Variants in PCCA observed in about 807,000 individuals in gnomAD.
PCCA encodes propionyl-CoA carboxylase subunit alpha.
Under a neutral mutation model 101.3 loss-of-function variants are expected in PCCA, and 74 were observed. That is an observed-to-expected ratio of 0.73 (90% CI 0.61 to 0.89). The LOEUF is 0.89. Among genes scored for constraint, PCCA ranks in the 40% least tolerant of loss-of-function variants. The probability of loss-of-function intolerance (pLI) is 0.00; values close to 1 mark genes in which losing one functional copy is unlikely to be tolerated. For synonymous variants in PCCA, 294 were observed against 313.6 expected, an observed-to-expected ratio of 0.94 and a Z score of 0.66; for missense variants, 891 against 907.0, an observed-to-expected ratio of 0.98 and a Z score of 0.23.
At chr13:100,166,158 A>T (rs2055016500) in intron 6 of PCCA, among the ~76,000 whole-genome samples, 1 of 151,942 alleles carries the variant, frequency 6.6e-6, no homozygotes, top group Non-Finnish European at 1.5e-5. Flanking sequence ...TTAGGCAACT[A>T]CTGATCTGTT....
chr13:100,143,202 T>C (rs996383700), intron 4 of PCCA, among the ~76,000 whole-genome samples: 4 of 152,174 alleles, frequency 2.6e-5, no homozygotes, highest in African/African-American at 9.7e-5. Context: ...ATTCAGTGAA[T>C]GGCATAGTCA....
chr13:100,328,386 AATAATAAT>A (rs777774084), intron 16 of PCCA, among the ~76,000 whole-genome samples: 1,642 of 147,562 alleles, frequency 0.011, 28 homozygotes, highest in African/African-American at 0.03. Flanking sequence ...TAATAATAAT[AATAATAAT>A]AATAATAATA....
Position 100,199,499 on chromosome 13 carries a change from T to C in PCCA, c.469-9833T>C, listed in dbSNP as rs1475598269. Among the ~76,000 whole-genome samples, 3 of 152,230 alleles carry C rather than the reference T, an allele frequency of 2.0e-5. No homozygotes were observed. The East Asian group carries it at 5.8e-4, about 29-fold the overall frequency. Reference sequence around the variant, plus strand: ...CCCAGTCTTGACTTAGCTCACTGCATGGCGATGCTATAGCTCAGTGGTTTC... The same window carrying C: ...CCCAGTCTTGACTTAGCTCACTGCACGGCGATGCTATAGCTCAGTGGTTTC... On this transcript the variant is annotated intron_variant, in intron 6 of 23. Coordinates refer to ENST00000376285, the MANE Select transcript of PCCA (RefSeq NM_000282.4).
intron 19 of PCCA, among the ~76,000 whole-genome samples, chr13:100,406,420 A>G (rs1479796760): frequency 6.6e-6 from 1 of 152,170 alleles, no homozygotes; most frequent in Non-Finnish European, 1.5e-5. Flanking sequence ...ACAGTTCAAA[A>G]TTGGCCGGGT....
intron 10 of PCCA, among the ~76,000 whole-genome samples, chr13:100,265,061 C>T (rs887372116): frequency 3.0e-4 from 46 of 152,148 alleles, no homozygotes; most frequent in Non-Finnish European, 4.0e-4. Context: ...CTGGAGTGTC[C>T]GAGTTCTGTA....
chr13:100,155,005 T>C lies in PCCA; in HGVS notation c.327T>C (p.Ala109=), dbSNP rs764005205. The change falls in exon 5 of 24, where the codon GCT becomes GCC. Residue 109 remains alanine, a synonymous_variant. Transcript: ENST00000376285. ...SSVHVKMADE[A]VCVGPAPTSK... ...TTCATGTGAAAATGGCGGATGAGGC[T>C]GTCTGTGTTGGCCCAGCTCCCACCA... 4.3e-6 allele frequency: 7 copies of C among 1,613,914 alleles called. No individual in the cohort carries two copies. In the African/African-American group the frequency reaches 9.3e-5, roughly 22 times the overall value.
At chr13:100,249,167 T>C (rs911033219) in intron 8 of PCCA, among the ~76,000 whole-genome samples, 3 of 152,196 alleles carry the variant, frequency 2.0e-5, no homozygotes, top group Non-Finnish European at 2.9e-5. Flanking sequence ...TAAAAACTCA[T>C]TGCTAAACCA....
At chr13:100,457,638 G>A (rs980123667) in intron 21 of PCCA, among the ~76,000 whole-genome samples, 6 of 152,140 alleles carry the variant, frequency 3.9e-5, no homozygotes, top group African/African-American at 9.7e-5. Flanking sequence ...TGCAGTAATC[G>A]CACCTGCCCT....
chr13:100,144,185 C>A (rs935456247), intron 4 of PCCA, among the ~76,000 whole-genome samples: 2 of 152,182 alleles, frequency 1.3e-5, no homozygotes, highest in African/African-American at 2.4e-5. Context: ...TGGGAGCTAA[C>A]TATACCAGGA....
At chr13:100,099,641 A>AT (rs1172668312) in intron 1 of PCCA, among the ~76,000 whole-genome samples, 5 of 151,390 alleles carry the variant, frequency 3.3e-5, no homozygotes, top group South Asian at 4.2e-4. Context: ...TTAAGAAAGG[A>AT]TTTTTTTCCA....
chr13:100,244,230 G>A (rs1259337689), intron 8 of PCCA, among the ~76,000 whole-genome samples: 4 of 152,184 alleles, frequency 2.6e-5, no homozygotes, highest in Admixed American at 1.3e-4. Flanking sequence ...TAAATAATGA[G>A]ATGTATATTT....
At chr13:100,410,403 C>T (rs2077969364) in intron 19 of PCCA, among the ~76,000 whole-genome samples, 2 of 152,112 alleles carry the variant, frequency 1.3e-5, no homozygotes, top group East Asian at 3.9e-4. Context: ...CCGTGATGCC[C>T]AGCTAATTTT....
intron 1 of PCCA, among the ~76,000 whole-genome samples, chr13:100,098,589 G>A (rs1460783695): frequency 7.2e-5 from 11 of 152,178 alleles, no homozygotes; most frequent in Admixed American, 2.6e-4. Flanking sequence ...GGTGTGAGCC[G>A]TTAGTTGTCA....
chr13:100,520,879 T>G (rs2087233560), intron 22 of PCCA, among the ~76,000 whole-genome samples: 1 of 152,140 alleles, frequency 6.6e-6, no homozygotes. Flanking sequence ...GTGATCTGCT[T>G]GGGAGTAGAA....
intron 12 of PCCA, among the ~76,000 whole-genome samples, chr13:100,294,704 G>A (rs1240688812): frequency 3.9e-5 from 6 of 152,100 alleles, no homozygotes; most frequent in African/African-American, 1.4e-4. Context: ...AGTTTTTAGT[G>A]CTGTTGGACT....
At chr13:100,307,104 C>A in intron 14 of PCCA, 88 bp from the exon 15 acceptor site, 1 of 825,484 alleles carries the variant, frequency 1.2e-6, no homozygotes, top group Non-Finnish European at 2.0e-6. Flanking sequence ...ATTCTCTATC[C>A]ATTTTCTCCA....
intron 19 of PCCA, among the ~76,000 whole-genome samples, chr13:100,400,434 G>A (rs1264797983): frequency 1.3e-5 from 2 of 151,910 alleles, no homozygotes; most frequent in African/African-American, 2.4e-5. Context: ...TATTTTCTAG[G>A]CAGTGTGGAT....
intron 8 of PCCA, among the ~76,000 whole-genome samples, chr13:100,253,674 C>T (rs926336805): frequency 7.2e-5 from 11 of 152,080 alleles, no homozygotes; most frequent in Non-Finnish European, 4.4e-5. Flanking sequence ...TTTTCGGAAG[C>T]ATTAGTGCCT....
chr13:100,297,008 T>G (rs760510353), intron 12 of PCCA, among the ~76,000 whole-genome samples: 7 of 152,228 alleles, frequency 4.6e-5, no homozygotes, highest in Non-Finnish European at 1.0e-4. Flanking sequence ...TAACATTTTT[T>G]AAGAGCATAA....
Sources: allele counts gnomAD v4.1 joint callset (sites outside exome capture counted in the v4.1 genomes callset), GRCh38; gene constraint gnomAD v4.1.1; transcripts MANE v1.5; gene names NCBI Gene and HGNC (gene_info 2026-07-23, HGNC 2026-07-21).